Variants in SLC4A4 observed in about 807,000 individuals in gnomAD.
SLC4A4 encodes solute carrier family 4 member 4.
A neutral mutation model predicts 111.5 loss-of-function variants in SLC4A4; 27 were observed. That is an observed-to-expected ratio of 0.24 (90% CI 0.18 to 0.33). SLC4A4 has a LOEUF of 0.33. Among genes scored for constraint, SLC4A4 ranks in the 10% least tolerant of loss-of-function variants. The pLI is 1.00. For missense variants in SLC4A4, 909 were observed against 1,315.5 expected (o/e 0.69, Z 4.78); for synonymous variants, 443 against 463.4 (o/e 0.96, Z 0.57).
chr4:71,218,349 C>T (rs1199628362), intron 1 of SLC4A4, among the ~76,000 whole-genome samples: 1 of 152,158 alleles, frequency 6.6e-6, no homozygotes, highest in Non-Finnish European at 1.5e-5. Context: ...TTAGAGGTAA[C>T]ACTGGTATTT....
rs1350364117 is a variant in SLC4A4 at position 71,567,888 on chromosome 4, T to C, written c.*137T>C. On this transcript the variant is annotated 3_prime_UTR_variant, in exon 26 of 26. Coordinates refer to ENST00000264485, the MANE Select transcript of SLC4A4 (RefSeq NM_001098484.3). ...GAGGAGCAAGGGAACAGAAACTACA[T>C]TGTAACCTGTTTGTCTTTCTTAAAA... 6 of 1,464,736 alleles carry C rather than the reference T, an allele frequency of 4.1e-6. No individual in the cohort carries two copies. The highest frequency in any genetic ancestry group is 1.7e-4 in the Middle Eastern group (1 of 5,810). The allele number at this position is 1,464,736 out of a possible 1,614,324, so 90.7% of individuals were successfully genotyped here. A position where few individuals can be genotyped will look rare whatever the true frequency, so the allele number is the denominator to read the frequency against.
intron 9 of SLC4A4, among the ~76,000 whole-genome samples, chr4:71,449,141 C>A (rs971158014): frequency 1.3e-5 from 2 of 152,122 alleles, no homozygotes; most frequent in African/African-American, 4.8e-5. Context: ...AAATCAAGAG[C>A]TAAGGCTCTT....
At chr4:71,081,336 C>T (rs1741988325) in intron 1 of SLC4A4, among the ~76,000 whole-genome samples, 1 of 152,088 alleles carries the variant, frequency 6.6e-6, no homozygotes, top group Non-Finnish European at 1.5e-5. Flanking sequence ...CACTGAGATT[C>T]CCAAACTGGG....
intron 2 of SLC4A4, among the ~76,000 whole-genome samples, chr4:71,169,952 ACT>A (rs1452992557): frequency 6.6e-6 from 1 of 151,292 alleles, no homozygotes; most frequent in Non-Finnish European, 1.5e-5. Flanking sequence ...TTTCATCACT[ACT>A]CTCTCTGCTC....
At chr4:71,334,966 CA>C (rs1291539987) in intron 3 of SLC4A4, among the ~76,000 whole-genome samples, 2 of 152,064 alleles carry the variant, frequency 1.3e-5, no homozygotes, top group Admixed American at 1.3e-4. Context: ...TAGAAATGGA[CA>C]AAAGGTTGAT....
intron 1 of SLC4A4, among the ~76,000 whole-genome samples, chr4:71,187,694 T>G (rs576165118): frequency 2.0e-4 from 31 of 152,226 alleles, no homozygotes; most frequent in African/African-American, 7.5e-4. Context: ...CAACTGGGCG[T>G]CTTTACGAGG....
intron 2 of SLC4A4, among the ~76,000 whole-genome samples, chr4:71,101,133 C>A (rs182616262): frequency 7.0e-4 from 107 of 152,144 alleles, no homozygotes; most frequent in Admixed American, 8.5e-4. Context: ...GTGGCGGGCG[C>A]CTGTAGTCCC....
At chr4:71,188,128 G>A (rs1578566469) in intron 1 of SLC4A4, among the ~76,000 whole-genome samples, 1 of 152,150 alleles carries the variant, frequency 6.6e-6, no homozygotes, top group African/African-American at 2.4e-5. Flanking sequence ...TTACTCAGCC[G>A]TTGCCAGTCC....
intron 15 of SLC4A4, among the ~76,000 whole-genome samples, chr4:71,489,066 A>G (rs1729672066): frequency 6.6e-6 from 1 of 151,604 alleles, no homozygotes; most frequent in Admixed American, 6.6e-5. Flanking sequence ...ATGATTTATT[A>G]CCATCAATCA....
intron 7 of SLC4A4, among the ~76,000 whole-genome samples, chr4:71,398,523 A>G (rs1310664433): frequency 1.3e-5 from 2 of 152,196 alleles, no homozygotes; most frequent in Non-Finnish European, 2.9e-5. Context: ...CTCTGCAAGA[A>G]AATTATATTT....
chr4:71,567,939 G>T lies in SLC4A4; in HGVS notation c.*188G>T. 2 of 1,129,040 alleles carry T rather than the reference G, an allele frequency of 1.8e-6. No individual in the cohort carries two copies. Among genetic ancestry groups the T allele is most frequent in the South Asian group, 1.4e-5 (1 of 69,282 alleles). 69.9% of individuals were successfully genotyped at this position (1,129,040 alleles called of 1,614,324 possible). ...CTGACATTTGTTGTTAATGTCATTT[G>T]TTTTTGTTTGGCTGTTTGTTTATTT... On this transcript the variant is annotated 3_prime_UTR_variant, in exon 26 of 26. Coordinates refer to ENST00000264485, the MANE Select transcript of SLC4A4 (RefSeq NM_001098484.3).
chr4:71,313,800 T>C (rs906873859), intron 3 of SLC4A4, among the ~76,000 whole-genome samples: 1 of 152,106 alleles, frequency 6.6e-6, no homozygotes, highest in South Asian at 2.1e-4. Context: ...ATGTAAAACC[T>C]AAAACTGTAA....
chr4:71,375,880 A>C (rs1045649946), intron 6 of SLC4A4, among the ~76,000 whole-genome samples: 1 of 151,902 alleles, frequency 6.6e-6, no homozygotes, highest in Non-Finnish European at 1.5e-5. Flanking sequence ...AAAACCTGAA[A>C]TATTTACTAC....
chr4:71,179,927 C>G (rs1338384472), intron 2 of SLC4A4, among the ~76,000 whole-genome samples: 1 of 152,166 alleles, frequency 6.6e-6, no homozygotes, highest in Non-Finnish European at 1.5e-5. Flanking sequence ...AAGCTGGAGG[C>G]ATCACACTAC....
intron 3 of SLC4A4, among the ~76,000 whole-genome samples, chr4:71,296,158 G>A (rs574896962): frequency 2.0e-5 from 3 of 150,908 alleles, no homozygotes; most frequent in African/African-American, 7.3e-5. Context: ...AATAAAATAT[G>A]ACTGTGTTTT....
intron 16 of SLC4A4, among the ~76,000 whole-genome samples, chr4:71,526,282 C>T (rs1733412294): frequency 6.6e-6 from 1 of 151,986 alleles, no homozygotes; most frequent in Admixed American, 6.6e-5. Context: ...AAACACTCTC[C>T]AGGAGTGATT....
intron 2 of SLC4A4, among the ~76,000 whole-genome samples, chr4:71,098,059 T>C (rs1742610308): frequency 6.6e-6 from 1 of 152,224 alleles, no homozygotes; most frequent in Non-Finnish European, 1.5e-5. Context: ...TGTGCTTTTG[T>C]TGTGATGGCT....
intron 1 of SLC4A4, among the ~76,000 whole-genome samples, chr4:71,091,410 G>A (rs1025386050): frequency 3.3e-5 from 5 of 151,944 alleles, no homozygotes; most frequent in South Asian, 2.1e-4. Context: ...CCGCCACCAC[G>A]CTTGGCTAAT....
intron 1 of SLC4A4, among the ~76,000 whole-genome samples, chr4:71,196,833 C>CAAAAAA (rs1293017045): frequency 1.1e-4 from 1 of 9,228 alleles, no homozygotes; most frequent in African/African-American, 1.7e-4. Flanking sequence ...GACTCTGTCT[C>CAAAAAA]CAAAAAAAAA....
Sources: gnomAD v4.1 joint callset for allele counts (sites outside exome capture counted in the v4.1 genomes callset) on GRCh38, gnomAD v4.1.1 for gene constraint, MANE v1.5 for transcripts, NCBI Gene and HGNC (gene_info 2026-07-23, HGNC 2026-07-21) for gene names.